JARID2: variants seen among roughly 807,000 people sequenced by gnomAD.
JARID2 encodes the protein protein Jumonji.
JARID2 carries 21 observed loss-of-function variants against 125.6 expected under a neutral mutation model. The observed-to-expected ratio is 0.17, with a 90% CI of 0.12 to 0.24. The LOEUF (loss-of-function observed/expected upper bound fraction) is 0.24. JARID2 is among the 10% of genes least tolerant of loss of function. The pLI is 1.00. For synonymous variants in JARID2, 736 were observed against 661.6 expected, an observed-to-expected ratio of 1.11 and a Z score of -1.73; for missense variants, 1,303 against 1,639.6, an observed-to-expected ratio of 0.79 and a Z score of 3.55.
In JARID2 at chr6:15,381,010, TTTATCA is replaced by T. The variant is rs756649102; in HGVS notation, c.181+6767_181+6772del. On this transcript the variant is annotated intron_variant, in intron 2 of 17. Transcript: ENST00000341776. ...TAGCTGTACTAGAGATGGTGCCTACTTTATCATTATCATTTATTATTATTTATTATT... is the reference window on the plus strand; with the variant it reads ...TAGCTGTACTAGAGATGGTGCCTACTTTATCATTTATTATTATTTATTATT... 7.7e-4 allele frequency among the ~76,000 whole-genome samples: 117 copies of T among 152,158 alleles called. 1 individual carries two copies. Among genetic ancestry groups the T allele is most frequent in the Admixed American group, 1.2e-3 (19 of 15,280 alleles).
At chr6:15,300,142 A>G (rs1224891760) in intron 1 of JARID2, among the ~76,000 whole-genome samples, 1 of 152,118 alleles carries the variant, frequency 6.6e-6, no homozygotes, top group African/African-American at 2.4e-5. Context: ...TATCTCCTGC[A>G]TTTGGGGTTG....
rs1561767333 is a variant in JARID2, at chr6:15,282,363, T to C, written c.45+35779T>C. Among the ~76,000 whole-genome samples, 4 of 152,346 alleles carry C rather than the reference T, an allele frequency of 2.6e-5. No homozygotes were observed. The East Asian group carries it at 7.7e-4, about 29-fold the overall frequency. On this transcript the variant is annotated intron_variant, in intron 1 of 17. Transcript: ENST00000341776. ...CCCTTCTTGCCAACACTTAGCATTA[T>C]ACAGCTTCTTTGGTTTTTGCTAATA...
intron 3 of JARID2, among the ~76,000 whole-genome samples, chr6:15,447,093 T>A (rs937455370): frequency 1.1e-4 from 16 of 152,176 alleles, no homozygotes; most frequent in Admixed American, 6.5e-4. Flanking sequence ...ATTTGAACTT[T>A]GTAGTCTTTT....
intron 1 of JARID2, among the ~76,000 whole-genome samples, chr6:15,331,678 C>T (rs1762714937): frequency 6.6e-6 from 1 of 151,930 alleles, no homozygotes; most frequent in Non-Finnish European, 1.5e-5. Flanking sequence ...TCAGTCTGAC[C>T]AACATGGAGA....
In JARID2 at chr6:15,247,851, C is replaced by T. The variant is rs901646785; in HGVS notation, c.45+1267C>T. On this transcript the variant is annotated intron_variant, in intron 1 of 17. Coordinates refer to ENST00000341776, the MANE Select transcript of JARID2 (RefSeq NM_004973.4). ...AAGAATTTAAGAATTAAAATACATCCGCATTGCAGAGGGCTGGGTAGAATG... is the reference window on the plus strand; with the variant it reads ...AAGAATTTAAGAATTAAAATACATCTGCATTGCAGAGGGCTGGGTAGAATG... 8 of 985,228 alleles carry T rather than the reference C, an allele frequency of 8.1e-6. No individual in the cohort carries two copies. The South Asian group carries it at 3.3e-4, about 40-fold the overall frequency. 61.0% of individuals were successfully genotyped at this position (985,228 alleles called of 1,614,324 possible).
intron 2 of JARID2, among the ~76,000 whole-genome samples, chr6:15,377,417 C>A (rs943858301): frequency 3.3e-5 from 5 of 152,142 alleles, no homozygotes; most frequent in Admixed American, 2.0e-4. Context: ...CTGGGAGATA[C>A]AATTCAAGTT....
intron 4 of JARID2, among the ~76,000 whole-genome samples, chr6:15,455,056 G>A (rs1310156778): frequency 6.6e-6 from 1 of 152,018 alleles, no homozygotes; most frequent in African/African-American, 2.4e-5. Context: ...ATCTAGCCGC[G>A]CTTGGTTGTG....
intron 1 of JARID2, among the ~76,000 whole-genome samples, chr6:15,290,773 C>CA (rs1761176334): frequency 6.6e-6 from 1 of 152,162 alleles, no homozygotes; most frequent in African/African-American, 2.4e-5. Flanking sequence ...CGCCCACCGC[C>CA]ACGCCCAGTT....
intron 1 of JARID2, among the ~76,000 whole-genome samples, chr6:15,247,077 T>C (rs1759208333): frequency 6.6e-6 from 1 of 152,208 alleles, no homozygotes; most frequent in African/African-American, 2.4e-5. Flanking sequence ...AAATTTAATG[T>C]CTGTGGTCGT....
rs531937949 is a variant in JARID2 at position 15,383,002 on chromosome 6, T to C, written c.181+8750T>C. 2.6e-3 allele frequency among the ~76,000 whole-genome samples: 396 copies of C among 152,180 alleles called. 2 individuals carry two copies. Among genetic ancestry groups the C allele is most frequent in the Non-Finnish European group, 2.3e-3 (154 of 68,012 alleles). ...AGTGGAGTCTGTATGTGTAGGGCTA[T>C]AGGGCGGAGGAGGTGGTCTGTGTAG... On this transcript the variant is annotated intron_variant, in intron 2 of 17. Transcript: ENST00000341776.
intron 1 of JARID2, among the ~76,000 whole-genome samples, chr6:15,278,578 T>C (rs1045354865): frequency 1.2e-4 from 18 of 148,162 alleles, no homozygotes; most frequent in Non-Finnish European, 2.4e-4. Context: ...AGAGCAAGAC[T>C]CCGTCTCAAA....
At chr6:15,363,867 G>A (rs1265566872) in intron 1 of JARID2, among the ~76,000 whole-genome samples, 1 of 152,250 alleles carries the variant, frequency 6.6e-6, no homozygotes, top group South Asian at 2.1e-4. Context: ...TAATTATTGG[G>A]AGGGCTGGAG....
intron 2 of JARID2, among the ~76,000 whole-genome samples, chr6:15,380,884 T>C (rs1464236127): frequency 1.3e-5 from 2 of 151,964 alleles, no homozygotes; most frequent in African/African-American, 4.8e-5. Context: ...CGTAAGTTTA[T>C]TTGTGGGCCA....
chr6:15,420,827 C>A (rs757278815), intron 3 of JARID2, among the ~76,000 whole-genome samples: 2 of 152,180 alleles, frequency 1.3e-5, no homozygotes, highest in African/African-American at 4.8e-5. Flanking sequence ...AAAACCCTTA[C>A]GAGTATTTTA....
intron 3 of JARID2, among the ~76,000 whole-genome samples, chr6:15,412,339 C>A (rs115670232): frequency 6.6e-6 from 1 of 152,034 alleles, no homozygotes; most frequent in African/African-American, 2.4e-5. Flanking sequence ...ACAAGAGTCT[C>A]GCTCTGTCAC....
rs143626602 is a variant in JARID2, at chr6:15,296,471, C to G, written c.45+49887C>G. On this transcript the variant is annotated intron_variant, in intron 1 of 17. Coordinates refer to ENST00000341776, the MANE Select transcript of JARID2 (RefSeq NM_004973.4). The stretch of plus-strand genomic sequence containing the variant: ...TAATGAAAAGTTGCAAAACCTAGTA[C>G]AAAGATTTTCCCAAATGTTAACCAT... Among the ~76,000 whole-genome samples, 206 of 152,194 alleles carry G rather than the reference C, an allele frequency of 1.4e-3. 2 individuals carry two copies. The highest frequency in any genetic ancestry group is 4.6e-3 in the African/African-American group (191 of 41,518).
intron 3 of JARID2, among the ~76,000 whole-genome samples, chr6:15,414,087 A>T (rs74547653): frequency 0.018 from 2,696 of 152,328 alleles, 81 homozygotes; most frequent in African/African-American, 0.061. Context: ...TTTTAGAATC[A>T]TCAGCAAAAA....
Position 15,508,997 on chromosome 6 carries a change from G to A in JARID2, c.2846+543G>A, listed in dbSNP as rs1401225641. The A allele has an allele frequency of 7.0e-6, 9 of 1,289,178 alleles. No homozygotes were observed. The Admixed American group carries it at 9.2e-5, about 13-fold the overall frequency. The allele number at this position is 1,289,178 out of a possible 1,614,324, so 79.9% of individuals were successfully genotyped here. A position where few individuals can be genotyped will look rare whatever the true frequency, so the allele number is the denominator to read the frequency against. On this transcript the variant is annotated intron_variant, in intron 12 of 17. Coordinates refer to ENST00000341776, the MANE Select transcript of JARID2 (RefSeq NM_004973.4). ...TAGAGCCAGTGTTTCCTCATCTATC[G>A]GTGGCTGTGGGGAGTAGAGTTGACT...
intron 1 of JARID2, among the ~76,000 whole-genome samples, chr6:15,345,537 A>G (rs1023309968): frequency 3.9e-5 from 6 of 152,232 alleles, no homozygotes; most frequent in Non-Finnish European, 8.8e-5. Flanking sequence ...ATGGAAAAGT[A>G]ATTCAACCTC....
Sources: allele counts gnomAD v4.1 joint callset (sites outside exome capture counted in the v4.1 genomes callset), GRCh38; gene constraint gnomAD v4.1.1; transcripts MANE v1.5; gene names NCBI Gene and HGNC (gene_info 2026-07-23, HGNC 2026-07-21).